RB1CC1: variants seen among roughly 807,000 people sequenced by gnomAD.
The protein encoded by RB1CC1 is RB1-inducible coiled-coil protein 1.
Under a neutral mutation model 177.5 loss-of-function variants are expected in RB1CC1, and 46 were observed. The ratio of observed to expected loss-of-function variants is 0.26; its 90% CI spans 0.20 to 0.33. The LOEUF is 0.33. Ranked by LOEUF, RB1CC1 falls within the 10% of genes least tolerant of loss-of-function variation. RB1CC1 has a pLI of 1.00. For missense variants in RB1CC1, 1,703 were observed against 1,816.3 expected (o/e 0.94, Z 1.13); for synonymous variants, 666 against 613.6 (o/e 1.09, Z -1.26).
At position 52,622,582 on chromosome 8, in the gene RB1CC1, G is replaced by A. The variant is rs1488484157; in HGVS notation, c.*1200C>T. ...AAAATATTTAACTTATTTTTATGAA[G>A]AAATTAAATATTTTCTGAAAAAGAA... On this transcript the variant is annotated 3_prime_UTR_variant, in exon 24 of 24. Transcript: ENST00000025008. The A allele has an allele frequency of 6.6e-6, 1 of 151,806 alleles. No individual in the cohort carries two copies. The highest frequency in any genetic ancestry group is 2.4e-5 in the African/African-American group (1 of 41,322). 9.4% of individuals were successfully genotyped at this position (151,806 alleles called of 1,614,324 possible).
intron 5 of RB1CC1, among the ~76,000 whole-genome samples, chr8:52,678,931 T>C (rs1279363335): frequency 6.6e-6 from 1 of 152,162 alleles, no homozygotes; most frequent in Non-Finnish European, 1.5e-5. Flanking sequence ...GAAGTAAAGA[T>C]GTCTTTGCCT....
intron 12 of RB1CC1, among the ~76,000 whole-genome samples, chr8:52,659,757 G>A (rs1851445237): frequency 6.6e-6 from 1 of 152,202 alleles, no homozygotes; most frequent in Non-Finnish European, 1.5e-5. Context: ...GAACAATTTG[G>A]GAGGCCAAGG....
chr8:52,623,445 T>C lies in RB1CC1; in HGVS notation c.*337A>G, dbSNP rs975218601. 1 of 352,382 alleles carries C rather than the reference T, an allele frequency of 2.8e-6. No individual in the cohort carries two copies. Among genetic ancestry groups the C allele is most frequent in the Non-Finnish European group, 5.5e-6 (1 of 181,058 alleles). The allele number at this position is 352,382 out of a possible 1,614,324, so 21.8% of individuals were successfully genotyped here. A position where few individuals can be genotyped will look rare whatever the true frequency, so the allele number is the denominator to read the frequency against. On this transcript the variant is annotated 3_prime_UTR_variant, in exon 24 of 24. Coordinates refer to ENST00000025008, the MANE Select transcript of RB1CC1 (RefSeq NM_014781.5). Reference sequence around the variant, plus strand: ...CATTTAACATCTAAGTTCAAGCTAGTGTATATTTAACAGGCAATTAATATG... The same window carrying C: ...CATTTAACATCTAAGTTCAAGCTAGCGTATATTTAACAGGCAATTAATATG...
chr8:52,670,017 G>A (rs1852420450), intron 7 of RB1CC1, among the ~76,000 whole-genome samples: 1 of 152,202 alleles, frequency 6.6e-6, no homozygotes, highest in African/African-American at 2.4e-5. Flanking sequence ...GCACTGGCAT[G>A]ATCACAGCTC....
chr8:52,672,574 C>T (rs1023454494), intron 7 of RB1CC1, among the ~76,000 whole-genome samples: 3 of 151,986 alleles, frequency 2.0e-5, no homozygotes, highest in African/African-American at 7.2e-5. Context: ...AAGAAGACCC[C>T]GTCTGTGCAA....
Position 52,657,653 on chromosome 8 carries a change from C to G in RB1CC1, c.2176G>C (p.Glu726Gln). 1 of 1,614,118 alleles carries G rather than the reference C, an allele frequency of 6.2e-7. No individual in the cohort carries two copies. Among genetic ancestry groups the G allele is most frequent in the Admixed American group, 1.7e-5 (1 of 60,024 alleles). Reference protein sequence around the residue: ...QVSLDLDSLAESPESDFMSAV... With the variant: ...QVSLDLDSLAQSPESDFMSAV... ...GACATAAAATCTGATTCAGGACTTT[C>G]TGCTAATGAATCCAAGTCTAAAGAA... Residue 726 changes from glutamate (E) to glutamine (Q), a missense_variant, in exon 15 of 24, where the codon GAA becomes CAA. Transcript: ENST00000025008.
intron 15 of RB1CC1, among the ~76,000 whole-genome samples, chr8:52,647,110 G>C (rs1274356828): frequency 6.6e-6 from 1 of 151,992 alleles, no homozygotes; most frequent in Non-Finnish European, 1.5e-5. Context: ...TATATGACAA[G>C]AATACACTAT....
intron 15 of RB1CC1, among the ~76,000 whole-genome samples, chr8:52,651,518 C>A (rs1850583456): frequency 6.6e-6 from 1 of 152,166 alleles, no homozygotes; most frequent in South Asian, 2.1e-4. Context: ...TCCATAGAAG[C>A]CTGGGGTTAA....
intron 9 of RB1CC1, 93 bp downstream of exon 9, chr8:52,661,442 A>C: frequency 1.4e-6 from 2 of 1,462,778 alleles, no homozygotes; most frequent in South Asian, 2.6e-5. Context: ...TATTTCAATA[A>C]AATGGTAGGG....
At chr8:52,694,872 T>A (rs1039266154) in intron 1 of RB1CC1, among the ~76,000 whole-genome samples, 4 of 152,198 alleles carry the variant, frequency 2.6e-5, no homozygotes, top group Non-Finnish European at 4.4e-5. Flanking sequence ...AAGAAGATAT[T>A]TTCCATACCT....
intron 5 of RB1CC1, among the ~76,000 whole-genome samples, chr8:52,678,204 G>C (rs928650957): frequency 1.3e-5 from 2 of 152,032 alleles, no homozygotes; most frequent in African/African-American, 4.8e-5. Flanking sequence ...GATCACCTGC[G>C]GTCAGGAGTT....
At chr8:52,704,670 C>T (rs1033695596) in intron 1 of RB1CC1, among the ~76,000 whole-genome samples, 3 of 152,004 alleles carry the variant, frequency 2.0e-5, no homozygotes, top group African/African-American at 4.8e-5. Context: ...CCCTAATTTA[C>T]GTAAAGTCCA....
At chr8:52,705,178 T>C (rs1003071951) in intron 1 of RB1CC1, among the ~76,000 whole-genome samples, 37 of 152,218 alleles carry the variant, frequency 2.4e-4, no homozygotes, top group African/African-American at 8.0e-4. Flanking sequence ...GGAATCATGA[T>C]GCATTAATAA....
chr8:52,683,342 T>C (rs1330085673), intron 5 of RB1CC1, among the ~76,000 whole-genome samples: 2 of 152,208 alleles, frequency 1.3e-5, no homozygotes, highest in Non-Finnish European at 2.9e-5. Context: ...AGACAGCTTT[T>C]CCACTCTAAA....
Position 52,657,589 on chromosome 8 carries a change from G to T in RB1CC1, c.2240C>A (p.Ser747Tyr), listed in dbSNP as rs890767747. ...NEFVIEENLS[S>Y]PNPISDPQSP... ...TTGTGGATCACTTATAGGATTAGGA[G>T]ACGACAAATTTTCTTCTATTACAAA... Residue 747 changes from serine (S) to tyrosine (Y), a missense_variant, in exon 15 of 24, where the codon TCT becomes TAT. Transcript: ENST00000025008. 20 of 1,614,062 alleles carry T rather than the reference G, an allele frequency of 1.2e-5. No homozygotes were observed. Among genetic ancestry groups the T allele is most frequent in the Non-Finnish European group, 1.5e-5 (18 of 1,180,014 alleles).
At chr8:52,701,128 T>C (rs574822617) in intron 1 of RB1CC1, among the ~76,000 whole-genome samples, 22 of 148,258 alleles carry the variant, frequency 1.5e-4, no homozygotes, top group Middle Eastern at 3.5e-3. Flanking sequence ...GACCAGATCT[T>C]TTTTTTTTTT....
At chr8:52,685,552 C>G (rs758162153) in intron 2 of RB1CC1, 32 bp from the exon 3 acceptor site, 119 of 770,860 alleles carry the variant, frequency 1.5e-4, no homozygotes, top group Non-Finnish European at 2.5e-4. Flanking sequence ...ATCAATTTTA[C>G]AAATGCAACT....
At chr8:52,697,375 T>C (rs75825624) in intron 1 of RB1CC1, among the ~76,000 whole-genome samples, 6,222 of 151,964 alleles carry the variant, frequency 0.041, 440 homozygotes, top group African/African-American at 0.14. Flanking sequence ...CATGTGTGAA[T>C]TTGTTCAGAT....
rs766257098 is a variant in RB1CC1 at position 52,642,485 on chromosome 8, T to G, written c.4203A>C (p.Pro1401=). 6.2e-7 allele frequency: 1 copy of G among 1,614,114 alleles called. No individual in the cohort carries two copies. Among genetic ancestry groups the G allele is most frequent in the Admixed American group, 1.7e-5 (1 of 60,008 alleles). Residue 1401 remains proline (P), a synonymous_variant, in exon 18 of 24, where the codon CCA becomes CCC. Coordinates refer to ENST00000025008, the MANE Select transcript of RB1CC1 (RefSeq NM_014781.5). ...KLRSSSFVPS[P]YVATAPELYG... ...AAAGTTCTGGGGCTGTAGCTACATATGGTGAAGGAACAAAACTGCTACTAC... is the reference window on the plus strand; with the variant it reads ...AAAGTTCTGGGGCTGTAGCTACATAGGGTGAAGGAACAAAACTGCTACTAC...
Sources: allele counts gnomAD v4.1 joint callset (sites outside exome capture counted in the v4.1 genomes callset), GRCh38; gene constraint gnomAD v4.1.1; transcripts MANE v1.5; gene names NCBI Gene and HGNC (gene_info 2026-07-23, HGNC 2026-07-21).